GLB1L3: variants seen among roughly 807,000 people sequenced by gnomAD.
The protein encoded by GLB1L3 is galactosidase beta 1 like 3, also known as beta-galactosidase-1-like protein 3.
In GLB1L3, 89 loss-of-function variants were observed where a neutral mutation model predicts 89.5. That is an observed-to-expected ratio of 0.99 (90% CI 0.84 to 1.19). The LOEUF is 1.19. GLB1L3 is among the 50% of genes most tolerant of loss of function. GLB1L3 has a pLI of 0.00. For missense variants in GLB1L3, 812 were observed against 813.3 expected (o/e 1.00, Z 0.02); for synonymous variants, 314 against 312.3 (o/e 1.01, Z -0.06).
chr11:134,318,851 AC>A, intron 19 of GLB1L3, 25 bp from the exon 20 acceptor site: 1 of 1,603,226 alleles, frequency 6.2e-7, no homozygotes, highest in Non-Finnish European at 8.5e-7. Flanking sequence ...CACCTTTCCC[AC>A]TGTCAACCTT....
intron 5 of GLB1L3, 113 bp from the exon 6 acceptor site, chr11:134,283,624 G>C: frequency 1.7e-6 from 1 of 605,394 alleles, no homozygotes; most frequent in South Asian, 2.0e-5. Context: ...CTCCGGGACC[G>C]GGGGTGTGAG....
rs569536619 is a variant in GLB1L3, at chr11:134,300,730, A to G, written c.877-6394A>G. On this transcript the variant is annotated intron_variant, in intron 9 of 19. Coordinates refer to ENST00000431683, the MANE Select transcript of GLB1L3 (RefSeq NM_001080407.3). ...GGTCACCTTCTTAACGTGCCCTCGCATGGTCTTTCTGCCGTGAACACGAGA... is the reference window on the plus strand; with the variant it reads ...GGTCACCTTCTTAACGTGCCCTCGCGTGGTCTTTCTGCCGTGAACACGAGA... 5.9e-5 allele frequency among the ~76,000 whole-genome samples: 9 copies of G among 152,230 alleles called. No homozygotes were observed. In the East Asian group the frequency reaches 1.2e-3, roughly 20 times the overall value.
chr11:134,302,074 C>T (rs1941974746), intron 9 of GLB1L3, among the ~76,000 whole-genome samples: 1 of 152,178 alleles, frequency 6.6e-6, no homozygotes, highest in South Asian at 2.1e-4. Flanking sequence ...GCAGCACCTT[C>T]CACCTGGCTC....
At chr11:134,294,432 A>G (rs1941525602) in intron 9 of GLB1L3, among the ~76,000 whole-genome samples, 2 of 152,202 alleles carry the variant, frequency 1.3e-5, no homozygotes, top group Non-Finnish European at 2.9e-5. Context: ...GGCTCTGTGG[A>G]TCTGTGGCTA....
chr11:134,309,720 G>C lies in GLB1L3; in HGVS notation c.1056G>C (p.Gly352=). ...HGGTNFGFMN[G]ATYFGKHSGI... Reference sequence around the variant, plus strand: ...GAACCAACTTTGGTTTCATGAACGGGGCCACATATTTCGGGAAGCACTCGG... The same window carrying C: ...GAACCAACTTTGGTTTCATGAACGGCGCCACATATTTCGGGAAGCACTCGG... The change falls in exon 11 of 20, where the codon GGG becomes GGC. Residue 352 remains glycine (G), a synonymous_variant. Coordinates refer to ENST00000431683, the MANE Select transcript of GLB1L3 (RefSeq NM_001080407.3). 2 of 1,613,378 alleles carry C rather than the reference G, an allele frequency of 1.2e-6. No individual in the cohort carries two copies. Among genetic ancestry groups the C allele is most frequent in the Non-Finnish European group, 1.7e-6 (2 of 1,179,646 alleles).
chr11:134,277,451 G>C lies in GLB1L3; in HGVS notation c.149G>C (p.Arg50Thr). The C allele has an allele frequency of 6.2e-7, 1 of 1,611,812 alleles. No individual in the cohort carries two copies. The highest frequency in any genetic ancestry group is 8.5e-7 in the Non-Finnish European group (1 of 1,178,610). ...MLGRAHPSQP[R>T]FNWSHLTPLE... Reference sequence around the variant, plus strand: ...GGAAGAGCGCATCCGTCCCAGCCTAGGTTTGCTTGAGAGCTACATCCCTGG... The same window carrying C: ...GGAAGAGCGCATCCGTCCCAGCCTACGTTTGCTTGAGAGCTACATCCCTGG... The change falls in exon 2 of 20, where the codon AGG becomes ACG. Residue 50 changes from arginine to threonine, a missense_variant and splice_region_variant. Arg to Thr is a moderately conservative substitution (Grantham distance 71). Transcript: ENST00000431683.
At chr11:134,282,411 A>G (rs1940750912) in intron 5 of GLB1L3, among the ~76,000 whole-genome samples, 1 of 152,100 alleles carries the variant, frequency 6.6e-6, no homozygotes. Context: ...AGAGGTGGCC[A>G]CAAGAGGCTC....
intron 18 of GLB1L3, among the ~76,000 whole-genome samples, chr11:134,315,434 C>G (rs1942937499): frequency 6.6e-6 from 1 of 152,076 alleles, no homozygotes; most frequent in African/African-American, 2.4e-5. Context: ...ATTAGTGAAG[C>G]CTTCTAGAGC....
At chr11:134,289,941 G>A (rs753222036) in intron 7 of GLB1L3, among the ~76,000 whole-genome samples, 1 of 152,218 alleles carries the variant, frequency 6.6e-6, no homozygotes, top group Non-Finnish European at 1.5e-5. Flanking sequence ...TCCTGACTCC[G>A]CCCTTGCCTC....
chr11:134,276,928 GCTA>G (rs1940397637), intron 1 of GLB1L3, among the ~76,000 whole-genome samples, 165 bp downstream of exon 1: 1 of 152,156 alleles, frequency 6.6e-6, no homozygotes, highest in South Asian at 2.1e-4. Context: ...AGATCCCCTG[GCTA>G]CCCCCACCCT....
At chr11:134,320,223 G>C (rs1189379141), downstream of GLB1L3, among the ~76,000 whole-genome samples, 1 of 152,158 alleles carries the variant, frequency 6.6e-6, no homozygotes, top group Non-Finnish European at 1.5e-5. Flanking sequence ...CTTGTGTCCA[G>C]AGGGAAGAGA....
intron 1 of GLB1L3, 101 bp from the exon 2 acceptor site, chr11:134,277,225 T>C: frequency 2.0e-6 from 3 of 1,503,430 alleles, no homozygotes; most frequent in Non-Finnish European, 1.8e-6. Context: ...GCCCCCTCCC[T>C]GGCTCTGGCC....
At position 134,311,103 on chromosome 11, in the gene GLB1L3, C is replaced by T; in HGVS notation, c.1220C>T (p.Ala407Val). 2 of 1,613,904 alleles carry T rather than the reference C, an allele frequency of 1.2e-6. No homozygotes were observed. Among genetic ancestry groups the T allele is most frequent in the South Asian group, 1.1e-5 (1 of 91,062 alleles). The change falls in exon 13 of 20, where the codon GCT (alanine) becomes GTT (valine). Residue 407 changes from alanine to valine, a missense_variant. Coordinates refer to ENST00000431683, the MANE Select transcript of GLB1L3 (RefSeq NM_001080407.3). ...LPRVPKLPPK[A>V]VYPPVRPSLY... The stretch of plus-strand genomic sequence containing the variant: ...CGAGTACCCAAACTTCCTCCCAAGG[C>T]TGTGTATCCCCCCGTGAGACCGTCG...
At chr11:134,312,308 C>G (rs1297256910) in intron 13 of GLB1L3, 41 bp from the exon 14 acceptor site, 3 of 1,604,936 alleles carry the variant, frequency 1.9e-6, no homozygotes, top group Admixed American at 1.7e-5. Flanking sequence ...ATCCTGACTG[C>G]TCAGCCCTTG....
chr11:134,308,616 C>T (rs7128443), intron 10 of GLB1L3, among the ~76,000 whole-genome samples: 36,447 of 137,198 alleles, frequency 0.27, 5,856 homozygotes, highest in Non-Finnish European at 0.36. Context: ...ACCACCACCA[C>T]TATCACCACC....
chr11:134,324,056 A>G (rs1943195630), downstream of GLB1L3, among the ~76,000 whole-genome samples: 1 of 152,232 alleles, frequency 6.6e-6, no homozygotes, highest in African/African-American at 2.4e-5. Flanking sequence ...TTCTTTGCCA[A>G]TGATAATTGC....
chr11:134,278,287 T>G (rs1479864776), intron 3 of GLB1L3, among the ~76,000 whole-genome samples: 1 of 151,410 alleles, frequency 6.6e-6, no homozygotes, highest in African/African-American at 2.4e-5. Flanking sequence ...AAAAAAAAAT[T>G]TTTTTTTTTG....
intron 10 of GLB1L3, among the ~76,000 whole-genome samples, chr11:134,308,141 A>G (rs1942288877): frequency 6.7e-6 from 1 of 149,280 alleles, no homozygotes; most frequent in South Asian, 2.2e-4. Flanking sequence ...CACCACCACA[A>G]TCACCATCAT....
intron 14 of GLB1L3, 105 bp downstream of exon 14, chr11:134,312,594 C>T: frequency 7.2e-7 from 1 of 1,390,200 alleles, no homozygotes; most frequent in South Asian, 1.3e-5. Flanking sequence ...TGGTGACCTA[C>T]TATATGGGAG....
Sources: gnomAD v4.1 joint callset for allele counts (sites outside exome capture counted in the v4.1 genomes callset) on GRCh38, gnomAD v4.1.1 for gene constraint, MANE v1.5 for transcripts, NCBI Gene and HGNC (gene_info 2026-07-23, HGNC 2026-07-21) for gene names.